SLC38A10: variants seen among roughly 807,000 people sequenced by gnomAD.
SLC38A10 encodes the protein solute carrier family 38 member 10.
In SLC38A10, 53 loss-of-function variants were observed where a neutral mutation model predicts 81.0. The ratio of observed to expected loss-of-function variants is 0.65; its 90% confidence interval spans 0.53 to 0.82. The LOEUF is 0.82. Ranked by LOEUF, SLC38A10 falls within the 40% of genes least tolerant of loss-of-function variation. The pLI, the probability that SLC38A10 is intolerant of heterozygous loss-of-function variation, is 0.00. For missense variants in SLC38A10, 1,471 were observed against 1,545.0 expected (o/e 0.95, Z 0.80); for synonymous variants, 665 against 655.3 (o/e 1.01, Z -0.23).
chr17:81,293,204 C>A (rs1228911585), intron 1 of SLC38A10, among the ~76,000 whole-genome samples: 1 of 152,202 alleles, frequency 6.6e-6, no homozygotes, highest in Non-Finnish European at 1.5e-5. Flanking sequence ...AGGAGAAGGA[C>A]CAGCTACTGC....
chr17:81,278,057 C>T (rs2063177864), intron 6 of SLC38A10, among the ~76,000 whole-genome samples: 1 of 122,588 alleles, frequency 8.2e-6, no homozygotes, highest in African/African-American at 3.5e-5. Context: ...TGCAGAAAGC[C>T]AGCAGCCAGT....
At chr17:81,250,173 C>T (rs191473789) in intron 14 of SLC38A10, 768 of 1,240,052 alleles carry the variant, frequency 6.2e-4, no homozygotes, top group African/African-American at 4.2e-3. Context: ...AGAAGAAAAT[C>T]AAAAGAATCA....
At chr17:81,251,676 G>A (rs574441684) in intron 13 of SLC38A10, 64 bp from the exon 14 acceptor site, 1 of 1,436,612 alleles carries the variant, frequency 7.0e-7, no homozygotes, top group Non-Finnish European at 9.1e-7. Context: ...TGGGGGGTTG[G>A]GGGACAGAAG....
At chr17:81,268,426 C>T (rs996683956) in intron 10 of SLC38A10, among the ~76,000 whole-genome samples, 3 of 150,378 alleles carry the variant, frequency 2.0e-5, no homozygotes, top group East Asian at 2.0e-4. Context: ...TTTTTTGAGA[C>T]GGAGTCTTTT....
chr17:81,266,585 C>G (rs1479644882), intron 10 of SLC38A10, among the ~76,000 whole-genome samples: 1 of 150,174 alleles, frequency 6.7e-6, no homozygotes, highest in African/African-American at 2.5e-5. Flanking sequence ...TGCCACTGCA[C>G]TCCAGCCTGG....
In SLC38A10 at chr17:81,277,998, A is replaced by G. The variant is rs1433193531; in HGVS notation, c.627-865T>C. On this transcript the variant is annotated intron_variant, in intron 6 of 15. Transcript: ENST00000374759. The surrounding 1 kb of genome is among the most constrained non-coding windows in gnomAD (Gnocchi z 4.5). The stretch of plus-strand genomic sequence containing the variant: ...GCCATGGCCATGGCTGTCCCAGGGC[A>G]GGGGCTCAAGGGCACAAAGGAAGCT... 6.9e-6 allele frequency among the ~76,000 whole-genome samples: 1 copy of G among 144,024 alleles called. No individual in the cohort carries two copies. The highest frequency in any genetic ancestry group is 1.5e-5 in the Non-Finnish European group (1 of 66,026). 94.5% of individuals were successfully genotyped at this position (144,024 alleles called of 152,430 possible). A position where few individuals can be genotyped will look rare whatever the true frequency, so the allele number is the denominator to read the frequency against.
At position 81,276,318 on chromosome 17, in the gene SLC38A10, A is replaced by G. The variant is rs2063161881; in HGVS notation, c.730-167T>C. On this transcript the variant is annotated intron_variant, in intron 7 of 15. Coordinates refer to ENST00000374759, the MANE Select transcript of SLC38A10 (RefSeq NM_001037984.3). This position sits in a 1 kb window ranked among gnomAD's most constrained non-coding sequence, Gnocchi z 4.7. ...AGAGATGGCCTTCCAGGGGCAAGGC[A>G]CCATTTCGCCTCCTCCTTCTAAAAA... 6.6e-6 allele frequency among the ~76,000 whole-genome samples: 1 copy of G among 151,904 alleles called. No individual in the cohort carries two copies. Among genetic ancestry groups the G allele is most frequent in the Admixed American group, 6.6e-5 (1 of 15,264 alleles).
At position 81,246,038 on chromosome 17, in the gene SLC38A10, C is replaced by G. The variant is rs2062846803; in HGVS notation, c.2878G>C (p.Glu960Gln). The G allele has an allele frequency of 6.2e-7, 1 of 1,610,352 alleles. No homozygotes were observed. The highest frequency in any genetic ancestry group is 8.5e-7 in the Non-Finnish European group (1 of 1,179,484). ...AQPQAVLRQP[E>Q]LRVISDGEQG... ...TCGCCATCAGAGATGACCCGCAGTTCCGGCTGGCGTAACACAGCCTGGGGC... is the reference window on the plus strand; with the variant it reads ...TCGCCATCAGAGATGACCCGCAGTTGCGGCTGGCGTAACACAGCCTGGGGC... Residue 960 changes from glutamate (E) to glutamine (Q), a missense_variant, in exon 16 of 16, where the codon GAA becomes CAA. By Grantham distance (29) the Glu-to-Gln change is conservative. Around this residue, in one of 2 missense-constraint regions of SLC38A10, gnomAD observed 751 missense variants for 717.4 expected, o/e 1.05. Transcript: ENST00000374759.
chr17:81,262,087 C>T (rs1454089057), intron 10 of SLC38A10, among the ~76,000 whole-genome samples: 1 of 152,182 alleles, frequency 6.6e-6, no homozygotes, highest in Non-Finnish European at 1.5e-5. Flanking sequence ...AGGAAGAAAC[C>T]GGAACTCTCG....
Position 81,283,500 on chromosome 17 carries a change from A to G in SLC38A10, c.266T>C (p.Met89Thr). ...GCAGGTGCCCAGCATCAGCCCGATCATGCTGCACAGGGACGGGGGGTACGG... is the reference window on the plus strand; with the variant it reads ...GCAGGTGCCCAGCATCAGCCCGATCGTGCTGCACAGGGACGGGGGGTACGG... The part of the protein sequence containing the change: ...KAGKMLVETS[M>T]IGLMLGTCIA... Residue 89 changes from methionine (M) to threonine (T), a missense_variant and splice_region_variant, in exon 4 of 16, where the codon ATG (methionine) becomes ACG (threonine). Physicochemically the swap from Met to Thr is moderately conservative, Grantham distance 81 (BLOSUM62 -1). This residue lies in a region of SLC38A10 where 720 missense variants were observed against 827.7 expected (regional missense o/e 0.87). Transcript: ENST00000374759. The surrounding 1 kb of genome is among the most constrained non-coding windows in gnomAD (Gnocchi z 4.7). The G allele has an allele frequency of 2.5e-6, 4 of 1,609,130 alleles. No individual in the cohort carries two copies. Among genetic ancestry groups the G allele is most frequent in the Non-Finnish European group, 3.4e-6 (4 of 1,177,804 alleles).
At chr17:81,282,358 G>A in intron 4 of SLC38A10, 26 bp from the exon 5 acceptor site, 1 of 1,589,990 alleles carries the variant, frequency 6.3e-7, no homozygotes, top group African/African-American at 1.3e-5. Context: ...AGGGGGTCTT[G>A]GCCACAGCCC....
rs781305622 is a variant in SLC38A10, at chr17:81,245,587, C to CT, written c.3328dup (p.Arg1110LysfsTer60). 3 of 1,611,078 alleles carry CT rather than the reference C, an allele frequency of 1.9e-6. No individual in the cohort carries two copies. In the Admixed American group the frequency reaches 5.0e-5, roughly 27 times the overall value. The stretch of plus-strand genomic sequence containing the variant: ...CTCCTCTGGAGGCCCAGGCGCCTGT[C>CT]TAAGCTGCCGGCTGTGGACCACCTG... On this transcript the variant is annotated frameshift_variant, in exon 16 of 16. Coordinates refer to ENST00000374759, the MANE Select transcript of SLC38A10 (RefSeq NM_001037984.3). LOFTEE classifies it high-confidence loss of function.
chr17:81,290,121 T>C (rs1440745829), intron 1 of SLC38A10, among the ~76,000 whole-genome samples: 2 of 152,190 alleles, frequency 1.3e-5, no homozygotes, highest in Admixed American at 6.5e-5. Context: ...ACACCCTACA[T>C]GCACCATCTT....
Position 81,272,631 on chromosome 17 carries a change from T to C in SLC38A10, c.913-4A>G, listed in dbSNP as rs1412115714. Reference sequence around the variant, plus strand: ...CTGCAAAGGTGCCATCTTTTTGCTGTACAAAAGAAAAACAAAAGGTTTTGA... The same window carrying C: ...CTGCAAAGGTGCCATCTTTTTGCTGCACAAAAGAAAAACAAAAGGTTTTGA... On this transcript the variant is annotated splice_polypyrimidine_tract_variant and splice_region_variant and intron_variant, in intron 8 of 15. Transcript: ENST00000374759. 23 of 1,535,082 alleles carry C rather than the reference T, an allele frequency of 1.5e-5. No homozygotes were observed. The highest frequency in any genetic ancestry group is 1.8e-5 in the Non-Finnish European group (21 of 1,145,718).
Position 81,272,748 on chromosome 17 carries a change from G to A in SLC38A10, c.913-121C>T, listed in dbSNP as rs546979339. On this transcript the variant is annotated intron_variant, in intron 8 of 15. Coordinates refer to ENST00000374759, the MANE Select transcript of SLC38A10 (RefSeq NM_001037984.3). ...GGCACATCTCCACGTGAGGCCGGCC[G>A]CGCACTCACCTGGCAGGTGAGCCTG... 2.2e-5 allele frequency: 13 copies of A among 593,444 alleles called. No homozygotes were observed. The East Asian group carries it at 3.3e-4, about 15-fold the overall frequency. 36.8% of individuals were successfully genotyped at this position (593,444 alleles called of 1,614,324 possible).
At chr17:81,261,399 T>C (rs1012847841) in intron 10 of SLC38A10, among the ~76,000 whole-genome samples, 13 of 152,242 alleles carry the variant, frequency 8.5e-5, no homozygotes, top group African/African-American at 3.1e-4. Context: ...GCAGAGCCTG[T>C]GTGCACTGGC....
At position 81,275,958 on chromosome 17, in the gene SLC38A10, G is replaced by A. The variant is rs745867637; in HGVS notation, c.912+11C>T. 7.7e-5 allele frequency: 124 copies of A among 1,610,168 alleles called. No individual in the cohort carries two copies. Among genetic ancestry groups the A allele is most frequent in the Admixed American group, 1.0e-4 (6 of 59,840 alleles). ...GCTATTACGATCCGGAGAGTGCCCCGAGGGTCTTACCTGCTGCTCACACAG... is the reference window on the plus strand; with the variant it reads ...GCTATTACGATCCGGAGAGTGCCCCAAGGGTCTTACCTGCTGCTCACACAG... On this transcript the variant is annotated intron_variant, in intron 8 of 15. Transcript: ENST00000374759.
In SLC38A10 at chr17:81,272,677, A is replaced by G. The variant is rs771908902; in HGVS notation, c.913-50T>C. 5.7e-5 allele frequency: 76 copies of G among 1,343,550 alleles called. No individual in the cohort carries two copies. In the South Asian group the frequency reaches 1.1e-3, roughly 20 times the overall value. The allele number at this position is 1,343,550 out of a possible 1,614,324, so 83.2% of individuals were successfully genotyped here. A position where few individuals can be genotyped will look rare whatever the true frequency, so the allele number is the denominator to read the frequency against. ...TTTGAAATGACTGATTTCCTCCACC[A>G]CTCTCCTAGAAAGCAAAGCCTGAAA... On this transcript the variant is annotated intron_variant, in intron 8 of 15. Transcript: ENST00000374759.
intron 1 of SLC38A10, among the ~76,000 whole-genome samples, chr17:81,291,844 G>A (rs962050742): frequency 2.6e-5 from 4 of 152,148 alleles, no homozygotes; most frequent in Non-Finnish European, 5.9e-5. Context: ...CCAGACACTC[G>A]CACTAGACAC....
Sources: allele counts gnomAD v4.1 joint callset (sites outside exome capture counted in the v4.1 genomes callset), GRCh38; gene constraint gnomAD v4.1.1; regional missense constraint gnomAD v4.1.1; non-coding constraint Gnocchi (gnomAD v3.1); transcripts MANE v1.5; gene names NCBI Gene and HGNC (gene_info 2026-07-23, HGNC 2026-07-21).